The following TENM2 variants were observed in gnomAD, a reference collection of about 807,000 sequenced individuals.
The protein encoded by TENM2 is teneurin-2.
In TENM2, 52 loss-of-function variants were observed where a neutral mutation model predicts 245.2. The ratio of observed to expected loss-of-function variants is 0.21; its 90% confidence interval spans 0.17 to 0.27. The LOEUF (loss-of-function observed/expected upper bound fraction) is 0.27. TENM2 is among the 10% of genes least tolerant of loss of function. TENM2 has a pLI of 1.00. For synonymous variants in TENM2, 1,363 were observed against 1,438.9 expected, an observed-to-expected ratio of 0.95 and a Z score of 1.19; for missense variants, 3,046 against 3,666.8, an observed-to-expected ratio of 0.83 and a Z score of 4.37.
chr5:167,511,860 A>G (rs930525484), intron 2 of TENM2, among the ~76,000 whole-genome samples: 1 of 152,206 alleles, frequency 6.6e-6, no homozygotes, highest in Non-Finnish European at 1.5e-5. Context: ...GTGTCACTAA[A>G]TTACAAGGAA....
chr5:167,388,508 C>A (rs986353566), intron 2 of TENM2, among the ~76,000 whole-genome samples: 8 of 151,322 alleles, frequency 5.3e-5, no homozygotes, highest in African/African-American at 1.9e-4. Context: ...TCATTTAATT[C>A]TTCTGTGATC....
At chr5:167,199,660 C>T in the TENM2 span, among the ~76,000 whole-genome samples, 6 of 152,210 alleles carry the variant, frequency 3.9e-5, no homozygotes, top group South Asian at 6.2e-4. Flanking sequence ...TCCTTCCCTT[C>T]GCCTCACATT....
intron 2 of TENM2, among the ~76,000 whole-genome samples, chr5:167,506,660 A>G (rs1208940466): frequency 2.6e-5 from 4 of 152,160 alleles, no homozygotes; most frequent in Non-Finnish European, 5.9e-5. Flanking sequence ...CCATTTCCTG[A>G]TGCCCAATCT....
chr5:167,079,423 C>A, the TENM2 span, among the ~76,000 whole-genome samples: 1 of 150,936 alleles, frequency 6.6e-6, no homozygotes, highest in African/African-American at 2.4e-5. Flanking sequence ...AAGAGATTCT[C>A]CTGTCTCAGC....
Position 167,631,390 on chromosome 5 carries a change from C to T in TENM2, c.503-244596C>T, listed in dbSNP as rs532492879. 3.7e-4 allele frequency among the ~76,000 whole-genome samples: 57 copies of T among 152,124 alleles called. No individual in the cohort carries two copies. The Middle Eastern group carries it at 0.01, about 27-fold the overall frequency. ...GCCATATAAAGACCTGGAGTGTTCT[C>T]GGCAGAGAAAATAGCTACAATGAAG... On this transcript the variant is annotated intron_variant, in intron 2 of 28. Transcript: ENST00000518659.
At chr5:167,041,345 C>T in the TENM2 span, among the ~76,000 whole-genome samples, 1 of 152,184 alleles carries the variant, frequency 6.6e-6, no homozygotes, top group East Asian at 1.9e-4. Context: ...AACTAAAGGT[C>T]TCAGATATCC....
At chr5:167,557,358 G>C (rs13179516) in intron 2 of TENM2, among the ~76,000 whole-genome samples, 9,554 of 152,282 alleles carry the variant, frequency 0.063, 417 homozygotes, top group South Asian at 0.11. Flanking sequence ...AAAGCTAAGA[G>C]CATGAGCTCT....
At chr5:167,378,617 A>G (rs1760912097) in intron 2 of TENM2, among the ~76,000 whole-genome samples, 1 of 152,090 alleles carries the variant, frequency 6.6e-6, no homozygotes, top group African/African-American at 2.4e-5. Flanking sequence ...GTGAAATTTG[A>G]AAGGGCTTTC....
chr5:167,700,625 C>A (rs1758075095), intron 2 of TENM2, among the ~76,000 whole-genome samples: 1 of 152,152 alleles, frequency 6.6e-6, no homozygotes, highest in Non-Finnish European at 1.5e-5. Context: ...ACCTATGCCC[C>A]TGTAAACATC....
intron 2 of TENM2, among the ~76,000 whole-genome samples, chr5:167,393,644 C>G (rs1340404332): frequency 6.6e-6 from 1 of 152,050 alleles, no homozygotes; most frequent in Non-Finnish European, 1.5e-5. Context: ...AAAATGGTGG[C>G]CTTTGCTCTG....
chr5:167,348,511 A>T (rs1412950236), intron 1 of TENM2, among the ~76,000 whole-genome samples: 2 of 152,134 alleles, frequency 1.3e-5, no homozygotes, highest in Non-Finnish European at 2.9e-5. Context: ...CAGCACTGTG[A>T]CTGACAGCTG....
Position 168,244,300 on chromosome 5 carries a change from G to C in TENM2, c.5521-120G>C. On this transcript the variant is annotated intron_variant, in intron 25 of 28. Transcript: ENST00000518659. The surrounding 1 kb of genome is among the most constrained non-coding windows in gnomAD (Gnocchi z 4.9). ...TTAGAAAGCACTACTCTAACTTTGGGGTTATTTCTTCCTCCAGTGAACACT... is the reference window on the plus strand; with the variant it reads ...TTAGAAAGCACTACTCTAACTTTGGCGTTATTTCTTCCTCCAGTGAACACT... 1.2e-6 allele frequency: 1 copy of C among 824,658 alleles called. No homozygotes were observed. The highest frequency in any genetic ancestry group is 1.7e-6 in the Non-Finnish European group (1 of 576,264). 51.1% of individuals were successfully genotyped at this position (824,658 alleles called of 1,614,324 possible). A position where few individuals can be genotyped will look rare whatever the true frequency, so the allele number is the denominator to read the frequency against.
In TENM2 at chr5:167,535,626, G is replaced by A. The variant is rs6867118; in HGVS notation, c.502+160153G>A. 2.5e-3 allele frequency among the ~76,000 whole-genome samples: 376 copies of A among 152,260 alleles called. 1 individual carries two copies. The highest frequency in any genetic ancestry group is 8.7e-3 in the African/African-American group (360 of 41,562). ...AAAGGGCTGGGGGAAACTAGCTTTGGCCCTTTGGCCCTTCCACATTCTGCC... is the reference window on the plus strand; with the variant it reads ...AAAGGGCTGGGGGAAACTAGCTTTGACCCTTTGGCCCTTCCACATTCTGCC... On this transcript the variant is annotated intron_variant, in intron 2 of 28. Transcript: ENST00000518659.
chr5:167,729,193 C>T (rs924045173), intron 2 of TENM2: 6 of 152,188 alleles, frequency 3.9e-5, no homozygotes, highest in Admixed American at 1.3e-4. Context: ...CTTCCTCTCC[C>T]ACATTGCCTC....
chr5:167,698,672 G>GTTTTTTTTTTTTT (rs1561683344), intron 2 of TENM2, among the ~76,000 whole-genome samples: 2 of 102,084 alleles, frequency 2.0e-5, no homozygotes, highest in African/African-American at 8.4e-5. Context: ...GTTTTGTTTT[G>GTTTTTTTTTTTTT]TTTTTTGTTT....
chr5:167,960,430 G>A (rs1780914699), intron 4 of TENM2, among the ~76,000 whole-genome samples: 1 of 152,208 alleles, frequency 6.6e-6, no homozygotes, highest in African/African-American at 2.4e-5. Context: ...TCTGGCTACA[G>A]CAGGTTTGCT....
chr5:167,024,536 G>T, the TENM2 span, among the ~76,000 whole-genome samples: 1 of 152,186 alleles, frequency 6.6e-6, no homozygotes, highest in African/African-American at 2.4e-5. Flanking sequence ...GGGCTGGGAA[G>T]GCTATTTTAT....
At chr5:168,196,559 T>A (rs771826905) in intron 15 of TENM2, among the ~76,000 whole-genome samples, 14 of 152,168 alleles carry the variant, frequency 9.2e-5, no homozygotes, top group Non-Finnish European at 1.8e-4. Context: ...CCTCCTGAGT[T>A]CAAGTGATTC....
At chr5:167,313,499 T>G (rs544337242) in intron 1 of TENM2, among the ~76,000 whole-genome samples, 1 of 152,150 alleles carries the variant, frequency 6.6e-6, no homozygotes, top group African/African-American at 2.4e-5. Context: ...CAGCTGGGTG[T>G]GGTGGTGTGT....
Sources: gnomAD v4.1 joint callset for allele counts (sites outside exome capture counted in the v4.1 genomes callset) on GRCh38, gnomAD v4.1.1 for gene constraint, Gnocchi (gnomAD v3.1) non-coding constraint, MANE v1.5 for transcripts, NCBI Gene and HGNC (gene_info 2026-07-23, HGNC 2026-07-21) for gene names.